Variants in FOXP2 observed in about 807,000 individuals in gnomAD.
The protein encoded by FOXP2 is forkhead box protein P2.
Under a neutral mutation model 115.8 loss-of-function variants are expected in FOXP2, and 12 were observed. That is an observed-to-expected ratio of 0.10 (90% CI 0.07 to 0.17). The LOEUF (loss-of-function observed/expected upper bound fraction) is 0.17, where lower values mean the gene tolerates loss of function less well. FOXP2 is among the 10% of genes least tolerant of loss of function. FOXP2 has a pLI of 1.00. For missense variants in FOXP2, 629 were observed against 843.5 expected (o/e 0.75, Z 3.15); for synonymous variants, 328 against 297.7 (o/e 1.10, Z -1.05).
intron 2 of FOXP2, among the ~76,000 whole-genome samples, chr7:114,513,250 T>C (rs1352266555): frequency 6.6e-6 from 1 of 152,184 alleles, no homozygotes; most frequent in African/African-American, 2.4e-5. Flanking sequence ...CAGTAATTAA[T>C]ACAATATAGT....
chr7:114,347,086 T>A (rs553923129), intron 2 of FOXP2, among the ~76,000 whole-genome samples: 8 of 152,124 alleles, frequency 5.3e-5, no homozygotes, highest in Non-Finnish European at 8.8e-5. Context: ...CCTTAGGTCC[T>A]GATGTAACTG....
At chr7:114,257,106 A>G (rs1237528371) in intron 1 of FOXP2, among the ~76,000 whole-genome samples, 5 of 152,200 alleles carry the variant, frequency 3.3e-5, no homozygotes, top group African/African-American at 1.2e-4. Flanking sequence ...CACATAAACC[A>G]ATGGAAGAGA....
chr7:114,637,623 T>A (rs1285112717), intron 6 of FOXP2, among the ~76,000 whole-genome samples: 2 of 152,130 alleles, frequency 1.3e-5, no homozygotes, highest in Non-Finnish European at 2.9e-5. Context: ...CAGAAATCCC[T>A]GCCATCATAA....
chr7:114,386,924 C>T (rs1792469400), intron 2 of FOXP2, among the ~76,000 whole-genome samples: 1 of 152,094 alleles, frequency 6.6e-6, no homozygotes, highest in Admixed American at 6.5e-5. Context: ...TTAATATCCC[C>T]CATCTGTTCT....
intron 2 of FOXP2, among the ~76,000 whole-genome samples, chr7:114,378,866 C>T (rs566567163): frequency 3.4e-5 from 5 of 148,514 alleles, no homozygotes; most frequent in African/African-American, 7.4e-5. Context: ...TTTAGATAAG[C>T]GTTTCTAACA....
At chr7:114,364,273 G>A (rs891096755) in intron 2 of FOXP2, among the ~76,000 whole-genome samples, 3 of 152,108 alleles carry the variant, frequency 2.0e-5, no homozygotes, top group African/African-American at 7.2e-5. Flanking sequence ...TTAATGAAGT[G>A]GAGGTCGTGG....
chr7:114,126,100 G>C (rs542547462), intron 1 of FOXP2, among the ~76,000 whole-genome samples: 71 of 152,224 alleles, frequency 4.7e-4, no homozygotes, highest in African/African-American at 1.7e-3. Context: ...ATAAACAGAT[G>C]TGTAAATAGA....
At chr7:114,647,577 G>C (rs920485497) in intron 8 of FOXP2, among the ~76,000 whole-genome samples, 1 of 151,854 alleles carries the variant, frequency 6.6e-6, no homozygotes, top group Non-Finnish European at 1.5e-5. Context: ...AAGTGTTGAG[G>C]AAAATTTTTG....
chr7:114,405,595 C>T (rs1007162982), intron 2 of FOXP2, among the ~76,000 whole-genome samples: 11 of 151,734 alleles, frequency 7.2e-5, no homozygotes, highest in East Asian at 5.8e-4. Context: ...AATTGTGTAA[C>T]GTTAACATTG....
At chr7:114,254,943 A>G (rs574815480) in intron 1 of FOXP2, among the ~76,000 whole-genome samples, 29 of 152,118 alleles carry the variant, frequency 1.9e-4, no homozygotes, top group African/African-American at 6.7e-4. Flanking sequence ...TTGTTCTTTG[A>G]TGATGGTGAC....
At chr7:114,390,418 A>C (rs1305950108) in intron 2 of FOXP2, among the ~76,000 whole-genome samples, 1 of 152,140 alleles carries the variant, frequency 6.6e-6, no homozygotes. Flanking sequence ...GATTATCAAA[A>C]AGTTGGACTT....
intron 1 of FOXP2, among the ~76,000 whole-genome samples, chr7:114,180,787 A>T (rs1793435517): frequency 6.6e-6 from 1 of 151,844 alleles, no homozygotes; most frequent in South Asian, 2.1e-4. Flanking sequence ...TGTTTATCTC[A>T]CTACAGCCCA....
intron 3 of FOXP2, among the ~76,000 whole-genome samples, chr7:114,626,011 T>G (rs975988051): frequency 6.6e-6 from 1 of 151,826 alleles, no homozygotes; most frequent in African/African-American, 2.4e-5. Context: ...TTGTCAGTTT[T>G]AGATGACAGT....
intron 8 of FOXP2, among the ~76,000 whole-genome samples, chr7:114,648,944 G>T (rs901657835): frequency 2.0e-5 from 3 of 152,006 alleles, no homozygotes; most frequent in Non-Finnish European, 4.4e-5. Context: ...GGACATTAGG[G>T]ACTGGAGCTA....
In FOXP2 at chr7:114,331,186, A is replaced by G. The variant is rs185504740; in HGVS notation, c.-11+43077A>G. Reference sequence around the variant, plus strand: ...AAGACAAATAAATCTAAAGAATAAAACTATTTGTAAACTGTAAACATGTTC... The same window carrying G: ...AAGACAAATAAATCTAAAGAATAAAGCTATTTGTAAACTGTAAACATGTTC... On this transcript the variant is annotated intron_variant, in intron 2 of 17. Transcript: ENST00000634411. Among the ~76,000 whole-genome samples the G allele has an allele frequency of 3.0e-3, 455 of 152,334 alleles. 1 individual carries two copies. Among genetic ancestry groups the G allele is most frequent in the South Asian group, 0.011 (55 of 4,828 alleles).
chr7:114,617,604 G>A (rs1175081246), intron 3 of FOXP2, among the ~76,000 whole-genome samples: 1 of 152,152 alleles, frequency 6.6e-6, no homozygotes, highest in Non-Finnish European at 1.5e-5. Context: ...GCCAGGTCTG[G>A]CCAATGTGGT....
chr7:114,486,399 C>T (rs991871683), intron 2 of FOXP2, among the ~76,000 whole-genome samples: 3 of 152,120 alleles, frequency 2.0e-5, no homozygotes, highest in Non-Finnish European at 2.9e-5. Context: ...TCTCCCACAA[C>T]ACTTGGGGAT....
chr7:114,521,175 G>A (rs995972546), intron 2 of FOXP2, among the ~76,000 whole-genome samples: 3 of 152,066 alleles, frequency 2.0e-5, no homozygotes, highest in Admixed American at 2.0e-4. Context: ...GATGTACATG[G>A]ATATTAGTAA....
chr7:114,509,280 T>TTTTTG (rs142346308), intron 2 of FOXP2, among the ~76,000 whole-genome samples: 7,105 of 151,940 alleles, frequency 0.047, 342 homozygotes, highest in East Asian at 0.15. Context: ...GTTTGTTTGT[T>TTTTTG]TTTTGTTTTG....
Sources: gnomAD v4.1 joint callset for allele counts (sites outside exome capture counted in the v4.1 genomes callset) on GRCh38, gnomAD v4.1.1 for gene constraint, MANE v1.5 for transcripts, NCBI Gene and HGNC (gene_info 2026-07-23, HGNC 2026-07-21) for gene names.